ADD1: variants seen among roughly 807,000 people sequenced by gnomAD.
ADD1 encodes the protein alpha-adducin.
Under a neutral mutation model 80.5 loss-of-function variants are expected in ADD1, and 24 were observed. The observed-to-expected ratio is 0.30, with a 90% CI of 0.22 to 0.42. ADD1 has a LOEUF of 0.42. ADD1 is among the 10% of genes least tolerant of loss of function. ADD1 has a pLI of 1.00. For missense variants in ADD1, 948 were observed against 1,019.0 expected (o/e 0.93, Z 0.95); for synonymous variants, 373 against 393.8 (o/e 0.95, Z 0.63).
chr4:2,850,247 G>A (rs1726859916), intron 1 of ADD1, among the ~76,000 whole-genome samples: 1 of 152,212 alleles, frequency 6.6e-6, no homozygotes, highest in Admixed American at 6.6e-5. Flanking sequence ...TATGTGAAAT[G>A]TCTTCAATAG....
At position 2,926,480 on chromosome 4, in the gene ADD1, C is replaced by G; in HGVS notation, c.2047+368C>G. 1.3e-6 allele frequency: 1 copy of G among 768,860 alleles called. No individual in the cohort carries two copies. Among genetic ancestry groups the G allele is most frequent in the Non-Finnish European group, 2.2e-6 (1 of 452,258 alleles). 47.6% of individuals were successfully genotyped at this position (768,860 alleles called of 1,614,324 possible). Reference sequence around the variant, plus strand: ...CGGCTGCCTCTCAGCCACCGTGTGTCTGTGGTGTGTGATCCCGGGTGTCTG... The same window carrying G: ...CGGCTGCCTCTCAGCCACCGTGTGTGTGTGGTGTGTGATCCCGGGTGTCTG... On this transcript the variant is annotated intron_variant, in intron 15 of 15. Transcript: ENST00000683351. This position sits in a 1 kb window ranked among gnomAD's most constrained non-coding sequence, Gnocchi z 5.0.
At chr4:2,851,908 C>T (rs1221734834) in intron 1 of ADD1, among the ~76,000 whole-genome samples, 2 of 151,874 alleles carry the variant, frequency 1.3e-5, no homozygotes, top group African/African-American at 4.8e-5. Flanking sequence ...ATGGCTCGAT[C>T]TCGGCTCACC....
At chr4:2,925,720 C>T (rs1007551052) in intron 14 of ADD1, among the ~76,000 whole-genome samples, 1 of 152,218 alleles carries the variant, frequency 6.6e-6, no homozygotes, top group African/African-American at 2.4e-5. Flanking sequence ...GGGGACAGGC[C>T]AGGGCATACC....
intron 2 of ADD1, 129 bp downstream of exon 2, chr4:2,876,239 C>A: frequency 7.6e-6 from 6 of 792,652 alleles, no homozygotes; most frequent in Admixed American, 3.4e-5. Context: ...CTTGAGTATA[C>A]GTATATGGTT....
intron 13 of ADD1, among the ~76,000 whole-genome samples, chr4:2,909,708 G>C (rs969210117): frequency 1.4e-4 from 21 of 152,044 alleles, no homozygotes; most frequent in African/African-American, 5.1e-4. Flanking sequence ...AGTTCCGCAC[G>C]GGACTTTGGT....
chr4:2,866,490 A>C (rs1000375201), intron 1 of ADD1, among the ~76,000 whole-genome samples: 15 of 121,578 alleles, frequency 1.2e-4, no homozygotes, highest in Non-Finnish European at 2.3e-4. Flanking sequence ...GGTTATTTTA[A>C]ATCGTTTTTT....
chr4:2,868,936 A>G (rs1397025580), intron 1 of ADD1, among the ~76,000 whole-genome samples: 1 of 152,180 alleles, frequency 6.6e-6, no homozygotes, highest in Non-Finnish European at 1.5e-5. Flanking sequence ...AAATTAGGTC[A>G]TTAAAAATAT....
chr4:2,926,192 G>A lies in ADD1; in HGVS notation c.2047+80G>A, dbSNP rs756764744. 2.5e-5 allele frequency: 31 copies of A among 1,246,816 alleles called. No homozygotes were observed. The highest frequency in any genetic ancestry group is 8.9e-5 in the African/African-American group (6 of 67,786). The allele number at this position is 1,246,816 out of a possible 1,614,324, so 77.2% of individuals were successfully genotyped here. On this transcript the variant is annotated intron_variant, in intron 15 of 15. Coordinates refer to ENST00000683351, the MANE Select transcript of ADD1 (RefSeq NM_001354761.2). This position sits in a 1 kb window ranked among gnomAD's most constrained non-coding sequence, Gnocchi z 5.0. ...GCTGTGGCGGAATGTGGCGGGAGTC[G>A]TGTTAACAGCAACACGGAAGTGTGT...
chr4:2,856,334 T>C (rs1016281679), intron 1 of ADD1, among the ~76,000 whole-genome samples: 1 of 152,188 alleles, frequency 6.6e-6, no homozygotes, highest in Non-Finnish European at 1.5e-5. Context: ...CGGTTTGTTA[T>C]TCCCTTGTAG....
intron 1 of ADD1, among the ~76,000 whole-genome samples, chr4:2,854,347 A>AAGC (rs1727756010): frequency 6.6e-6 from 1 of 152,160 alleles, no homozygotes; most frequent in African/African-American, 2.4e-5. Flanking sequence ...AGCAAGCAAG[A>AAGC]AAGAAAGAAT....
At chr4:2,856,055 T>A (rs1012255006) in intron 1 of ADD1, among the ~76,000 whole-genome samples, 18 of 139,854 alleles carry the variant, frequency 1.3e-4, no homozygotes, top group East Asian at 4.2e-4. Flanking sequence ...AGTTCTTTTT[T>A]AAAAAAAAAA....
At chr4:2,906,408 C>T (rs1296904424) in intron 10 of ADD1, among the ~76,000 whole-genome samples, 1 of 151,974 alleles carries the variant, frequency 6.6e-6, no homozygotes, top group African/African-American at 2.4e-5. Context: ...AAAAAAAACC[C>T]CAAAACACCT....
intron 13 of ADD1, among the ~76,000 whole-genome samples, chr4:2,913,556 C>T (rs752437307): frequency 2.0e-4 from 30 of 152,158 alleles, no homozygotes; most frequent in Non-Finnish European, 4.3e-4. Flanking sequence ...TCCAGGCTCC[C>T]GGGCAAAGGT....
At chr4:2,860,909 C>T (rs1162593181) in intron 1 of ADD1, among the ~76,000 whole-genome samples, 1 of 152,120 alleles carries the variant, frequency 6.6e-6, no homozygotes, top group Non-Finnish European at 1.5e-5. Flanking sequence ...AGAGTCTGTG[C>T]CCTGATAGTG....
intron 15 of ADD1, among the ~76,000 whole-genome samples, chr4:2,927,688 T>C (rs1307997226): frequency 6.6e-6 from 1 of 152,246 alleles, no homozygotes; most frequent in African/African-American, 2.4e-5. Context: ...TTTTGGATGT[T>C]GACGTCACAC....
intron 2 of ADD1, among the ~76,000 whole-genome samples, chr4:2,879,911 T>A (rs536721865): frequency 1.8e-4 from 28 of 152,258 alleles, no homozygotes; most frequent in Non-Finnish European, 3.7e-4. Flanking sequence ...GATGAGGTTT[T>A]ACCATGTTGG....
chr4:2,919,775 T>C (rs944301677), intron 14 of ADD1, among the ~76,000 whole-genome samples: 1 of 152,156 alleles, frequency 6.6e-6, no homozygotes, highest in Non-Finnish European at 1.5e-5. Context: ...TTATCAATCT[T>C]TAAAAAAAAC....
chr4:2,846,719 G>A (rs965925170), intron 1 of ADD1, among the ~76,000 whole-genome samples: 4 of 151,186 alleles, frequency 2.6e-5, no homozygotes, highest in Admixed American at 6.6e-5. Flanking sequence ...GCCTGTAATC[G>A]TAGCTGCTCC....
intron 1 of ADD1, among the ~76,000 whole-genome samples, chr4:2,873,183 G>A (rs626038): frequency 0.17 from 26,211 of 152,012 alleles, 3,203 homozygotes; most frequent in South Asian, 0.43. Context: ...ATTAGAAACA[G>A]GGTGTCACCA....
Sources: gnomAD v4.1 joint callset for allele counts (sites outside exome capture counted in the v4.1 genomes callset) on GRCh38, gnomAD v4.1.1 for gene constraint, Gnocchi (gnomAD v3.1) non-coding constraint, MANE v1.5 for transcripts, NCBI Gene and HGNC (gene_info 2026-07-23, HGNC 2026-07-21) for gene names.